SLC35D2: variants seen among roughly 807,000 people sequenced by gnomAD.
The protein encoded by SLC35D2 is nucleotide sugar transporter SLC35D2.
Under a neutral mutation model 41.8 loss-of-function variants are expected in SLC35D2, and 43 were observed. The ratio of observed to expected loss-of-function variants is 1.03; its 90% CI spans 0.81 to 1.33. SLC35D2 has a LOEUF of 1.33. Ranked by LOEUF, SLC35D2 falls within the 40% of genes most tolerant of loss-of-function variation. SLC35D2 has a pLI of 0.00. For missense variants in SLC35D2, 380 were observed against 408.4 expected (o/e 0.93, Z 0.60); for synonymous variants, 150 against 163.9 (o/e 0.92, Z 0.65).
intron 1 of SLC35D2, among the ~76,000 whole-genome samples, chr9:96,375,997 C>G (rs535792262): frequency 2.6e-5 from 4 of 151,768 alleles, no homozygotes; most frequent in Admixed American, 2.6e-4. Context: ...CCCATCTCTA[C>G]TAAAAATACA....
chr9:96,376,845 A>G lies in SLC35D2; in HGVS notation c.158+6632T>C, dbSNP rs538311820. Among the ~76,000 whole-genome samples, 15 of 151,382 alleles carry G rather than the reference A, an allele frequency of 9.9e-5. No homozygotes were observed. In the East Asian group the frequency reaches 2.6e-3, roughly 26 times the overall value. ...GGATGGTCTCGAACTCCTGACCTCA[A>G]GTGATCCACCCGCCTCGGCCTCCCA... On this transcript the variant is annotated intron_variant, in intron 1 of 11. Transcript: ENST00000253270.
intron 8 of SLC35D2, among the ~76,000 whole-genome samples, chr9:96,342,985 C>T (rs966301356): frequency 2.0e-5 from 3 of 152,228 alleles, no homozygotes; most frequent in Middle Eastern, 3.2e-3. Flanking sequence ...ACGGGGTTAT[C>T]GCCTGGCTGG....
downstream of SLC35D2, among the ~76,000 whole-genome samples, chr9:96,320,092 A>C (rs1190705175): frequency 6.6e-6 from 1 of 152,306 alleles, no homozygotes; most frequent in African/African-American, 2.4e-5. Flanking sequence ...CACCCTATCC[A>C]TTTGGGCCTC....
chr9:96,367,124 G>C (rs1218417548), intron 2 of SLC35D2, among the ~76,000 whole-genome samples: 1 of 149,614 alleles, frequency 6.7e-6, no homozygotes, highest in Non-Finnish European at 1.5e-5. Flanking sequence ...GGAGGCTGGG[G>C]CATAAGAATC....
chr9:96,336,818 TTAA>T (rs1467721739), intron 8 of SLC35D2, 34 bp from the exon 9 acceptor site: 13 of 1,194,368 alleles, frequency 1.1e-5, no homozygotes, highest in African/African-American at 1.5e-5. Flanking sequence ...AATGATTAGG[TTAA>T]TAATACTGCA....
chr9:96,326,524 C>G (rs1006667774), intron 9 of SLC35D2, among the ~76,000 whole-genome samples: 1 of 152,136 alleles, frequency 6.6e-6, no homozygotes, highest in Non-Finnish European at 1.5e-5. Context: ...TAAGTTTCGG[C>G]CAGGTGTGGT....
downstream of SLC35D2, among the ~76,000 whole-genome samples, chr9:96,315,735 A>G (rs935831786): frequency 1.3e-5 from 2 of 151,878 alleles, no homozygotes; most frequent in African/African-American, 4.8e-5. Context: ...ACCTGGCTAG[A>G]TCCTTATTTT....
chr9:96,327,347 G>A (rs774688324), intron 9 of SLC35D2, among the ~76,000 whole-genome samples: 2 of 152,170 alleles, frequency 1.3e-5, no homozygotes, highest in Non-Finnish European at 2.9e-5. Flanking sequence ...TGTCTTCCAA[G>A]TAGCTGGGAC....
chr9:96,359,622 G>A (rs1189926720), intron 4 of SLC35D2, among the ~76,000 whole-genome samples: 1 of 151,960 alleles, frequency 6.6e-6, no homozygotes, highest in African/African-American at 2.4e-5. Flanking sequence ...CTCAGAAGGT[G>A]GAGGTTGTAG....
chr9:96,372,673 C>T (rs1830758789), intron 1 of SLC35D2, among the ~76,000 whole-genome samples: 1 of 148,982 alleles, frequency 6.7e-6, no homozygotes, highest in Non-Finnish European at 1.5e-5. Flanking sequence ...CAACCTTCGC[C>T]TCCCAGGGTC....
chr9:96,336,475 TGAA>T (rs1042662350), intron 9 of SLC35D2, among the ~76,000 whole-genome samples: 6 of 152,232 alleles, frequency 3.9e-5, no homozygotes, highest in Admixed American at 3.9e-4. Context: ...CATCATATTT[TGAA>T]GAAGAACAGG....
chr9:96,351,451 T>G (rs1225288447), intron 5 of SLC35D2, among the ~76,000 whole-genome samples: 2 of 151,928 alleles, frequency 1.3e-5, no homozygotes, highest in South Asian at 4.1e-4. Context: ...CTGGTGGATC[T>G]AGTTTGCATG....
intron 8 of SLC35D2, among the ~76,000 whole-genome samples, chr9:96,341,966 T>C (rs1829345207): frequency 6.6e-6 from 1 of 150,660 alleles, no homozygotes; most frequent in Admixed American, 6.6e-5. Context: ...ATATCTAAAA[T>C]ACCAGAATTT....
intron 9 of SLC35D2, among the ~76,000 whole-genome samples, chr9:96,334,930 C>A (rs1365668596): frequency 6.6e-6 from 1 of 152,126 alleles, no homozygotes; most frequent in Non-Finnish European, 1.5e-5. Flanking sequence ...TTGTTAAAAT[C>A]AAAAACTCCA....
At chr9:96,346,551 C>T (rs941411477) in intron 6 of SLC35D2, among the ~76,000 whole-genome samples, 1 of 152,134 alleles carries the variant, frequency 6.6e-6, no homozygotes, top group Non-Finnish European at 1.5e-5. Context: ...CAGCAAACTT[C>T]CTGATCTGTT....
chr9:96,383,396 T>A, intron 1 of SLC35D2, 81 bp downstream of exon 1: 1 of 1,194,942 alleles, frequency 8.4e-7, no homozygotes, highest in Non-Finnish European at 1.1e-6. Context: ...ACCCGCCCTG[T>A]CCCGGGCGCC....
intron 8 of SLC35D2, among the ~76,000 whole-genome samples, chr9:96,338,286 A>C (rs906909768): frequency 2.0e-5 from 3 of 152,244 alleles, no homozygotes; most frequent in Non-Finnish European, 4.4e-5. Context: ...TCAAATTTTT[A>C]AACAATTAAG....
chr9:96,345,728 C>T (rs971724298), intron 6 of SLC35D2, among the ~76,000 whole-genome samples: 3 of 152,160 alleles, frequency 2.0e-5, no homozygotes, highest in Admixed American at 2.0e-4. Flanking sequence ...TGATTCGCCC[C>T]GATCCACCCA....
chr9:96,371,473 T>TGAAAAAAAAAAA (rs1830673892), intron 1 of SLC35D2, among the ~76,000 whole-genome samples: 1 of 3,682 alleles, frequency 2.7e-4, no homozygotes, highest in Non-Finnish European at 6.0e-4. Flanking sequence ...AGACTCTGTC[T>TGAAAAAAAAAAA]CAAAAAAAAA....
Sources: allele counts gnomAD v4.1 joint callset (sites outside exome capture counted in the v4.1 genomes callset), GRCh38; gene constraint gnomAD v4.1.1; transcripts MANE v1.5; gene names NCBI Gene and HGNC (gene_info 2026-07-23, HGNC 2026-07-21).